TLE4: variants seen among roughly 807,000 people sequenced by gnomAD.
The protein encoded by TLE4 is transducin-like enhancer protein 4.
In TLE4, 8 loss-of-function variants were observed where a neutral mutation model predicts 92.8. The observed-to-expected ratio is 0.09, with a 90% CI of 0.05 to 0.16. TLE4 has a LOEUF of 0.16. Among genes scored for constraint, TLE4 ranks in the 10% least tolerant of loss-of-function variants. The probability of loss-of-function intolerance (pLI) is 1.00; values close to 1 mark genes in which losing one functional copy is unlikely to be tolerated. For synonymous variants in TLE4, 371 were observed against 374.1 expected (o/e 0.99, Z 0.10); for missense variants, 675 against 997.6 (o/e 0.68, Z 4.36).
At chr9:79,684,106 C>T (rs1415608303) in intron 8 of TLE4, among the ~76,000 whole-genome samples, 2 of 152,118 alleles carry the variant, frequency 1.3e-5, no homozygotes. Flanking sequence ...TAATGCATAT[C>T]CTCAATTAAA....
chr9:79,685,892 T>C (rs1484025889), intron 8 of TLE4, among the ~76,000 whole-genome samples: 2 of 152,198 alleles, frequency 1.3e-5, no homozygotes, highest in South Asian at 4.1e-4. Context: ...GATTCACAAA[T>C]TGACTCCCAA....
intron 6 of TLE4, among the ~76,000 whole-genome samples, chr9:79,640,619 G>A (rs964208862): frequency 2.0e-5 from 3 of 152,028 alleles, no homozygotes; most frequent in African/African-American, 7.2e-5. Context: ...GTCTCACTCT[G>A]CCGTCTTCCA....
At chr9:79,632,513 A>C (rs915840788) in intron 6 of TLE4, among the ~76,000 whole-genome samples, 1 of 152,104 alleles carries the variant, frequency 6.6e-6, no homozygotes, top group Admixed American at 6.6e-5. Flanking sequence ...GCCTCAAGCT[A>C]CTTAAGGGGG....
intron 6 of TLE4, among the ~76,000 whole-genome samples, chr9:79,633,887 A>G (rs2055003405): frequency 6.6e-6 from 1 of 152,146 alleles, no homozygotes; most frequent in African/African-American, 2.4e-5. Flanking sequence ...CAAACAGGCA[A>G]CTAAAGGGTT....
chr9:79,600,683 G>T (rs1291666417), intron 4 of TLE4, among the ~76,000 whole-genome samples: 1 of 152,172 alleles, frequency 6.6e-6, no homozygotes, highest in African/African-American at 2.4e-5. Flanking sequence ...ACCTTGTTCA[G>T]AAGGGATTTG....
chr9:79,694,094 G>A (rs2067672960), intron 8 of TLE4, among the ~76,000 whole-genome samples: 1 of 152,192 alleles, frequency 6.6e-6, no homozygotes, highest in African/African-American at 2.4e-5. Flanking sequence ...AGTATTGACA[G>A]AGGTATTGCT....
chr9:79,707,079 G>A (rs759267611), intron 11 of TLE4, 180 bp downstream of exon 11: 5 of 1,595,274 alleles, frequency 3.1e-6, no homozygotes, highest in African/African-American at 2.7e-5. Context: ...TTACTAACTT[G>A]TTGGTGATGA....
Position 79,573,785 on chromosome 9 carries a change from A to C in TLE4, c.142A>C (p.Ser48Arg). ...TCAGTTTTTACAGGCTCAATACCACAGGTAACGATATTGACTTTAGCTGAT... is the reference window on the plus strand; with the variant it reads ...TCAGTTTTTACAGGCTCAATACCACCGGTAACGATATTGACTTTAGCTGAT... ...EFQFLQAQYH[S>R]LKLECEKLAS... Residue 48 changes from serine (S) to arginine (R), a missense_variant and splice_region_variant, in exon 2 of 20, where the codon AGT becomes CGT. By Grantham distance (110) the Ser-to-Arg change is moderately radical. This residue lies in a region of TLE4 where 68 missense variants were observed against 141.2 expected (regional missense o/e 0.48). Transcript: ENST00000376552. 2.5e-6 allele frequency: 4 copies of C among 1,584,296 alleles called. No homozygotes were observed. Among genetic ancestry groups the C allele is most frequent in the Non-Finnish European group, 3.5e-6 (4 of 1,157,930 alleles).
At chr9:79,581,024 T>G (rs2039512483) in intron 4 of TLE4, among the ~76,000 whole-genome samples, 1 of 152,122 alleles carries the variant, frequency 6.6e-6, no homozygotes, top group Admixed American at 6.5e-5. Context: ...TTCATTAAGG[T>G]TTAAAGCCAC....
intron 8 of TLE4, among the ~76,000 whole-genome samples, chr9:79,686,377 C>T (rs531494669): frequency 6.6e-6 from 1 of 152,294 alleles, no homozygotes; most frequent in East Asian, 1.9e-4. Context: ...GTTGGTTTCT[C>T]TTCGGGGTTG....
chr9:79,581,156 C>G (rs1023516767), intron 4 of TLE4, among the ~76,000 whole-genome samples: 4 of 152,140 alleles, frequency 2.6e-5, no homozygotes, highest in African/African-American at 9.7e-5. Flanking sequence ...AAATAGGAGG[C>G]CAACTTCATT....
At position 79,574,923 on chromosome 9, in the gene TLE4, G is replaced by A. The variant is rs1278493425; in HGVS notation, c.194G>A (p.Arg65Gln). The change falls in exon 3 of 20, where the codon CGG (arginine) becomes CAG (glutamine). Residue 65 changes from arginine (R) to glutamine (Q), a missense_variant. Arg to Gln is a conservative substitution (Grantham distance 43). This residue lies in a region of TLE4 where 68 missense variants were observed against 141.2 expected (regional missense o/e 0.48). Coordinates refer to ENST00000376552, the MANE Select transcript of TLE4 (RefSeq NM_007005.6). ...KLASEKTEMQ[R>Q]HYVMYYEMSY... ...GCCAGTGAGAAGACAGAGATGCAGC[G>A]GCATTATGTCATGGTAAGAAAACCA... 6.2e-7 allele frequency: 1 copy of A among 1,613,342 alleles called. No individual in the cohort carries two copies. Among genetic ancestry groups the A allele is most frequent in the Admixed American group, 1.7e-5 (1 of 60,018 alleles).
chr9:79,643,132 C>G (rs970098481), intron 6 of TLE4, among the ~76,000 whole-genome samples: 1 of 152,182 alleles, frequency 6.6e-6, no homozygotes, highest in Non-Finnish European at 1.5e-5. Flanking sequence ...GCCTCTACAA[C>G]TACAGAGAAA....
At chr9:79,598,584 C>T (rs1311239015) in intron 4 of TLE4, among the ~76,000 whole-genome samples, 1 of 152,180 alleles carries the variant, frequency 6.6e-6, no homozygotes, top group Non-Finnish European at 1.5e-5. Context: ...CAATGTCTGT[C>T]TCATTTGCTA....
intron 10 of TLE4, among the ~76,000 whole-genome samples, chr9:79,706,211 A>G (rs958974675): frequency 1.3e-5 from 2 of 152,004 alleles, no homozygotes; most frequent in Non-Finnish European, 2.9e-5. Context: ...CGCTTGGCTC[A>G]TATTTAAATT....
chr9:79,708,859 T>G (rs2072455363), intron 13 of TLE4, 73 bp downstream of exon 13: 2 of 1,471,830 alleles, frequency 1.4e-6, no homozygotes, highest in Admixed American at 4.1e-5. Context: ...TGCGACAGGG[T>G]CTCGCTCTGT....
chr9:79,722,902 C>G, intron 18 of TLE4, 57 bp from the exon 19 acceptor site: 1 of 1,514,534 alleles, frequency 6.6e-7, no homozygotes, highest in Non-Finnish European at 9.1e-7. Flanking sequence ...TAAAGCAAAT[C>G]TTGGTGTCTG....
Position 79,611,123 on chromosome 9 carries a change from A to G in TLE4, c.253-1533A>G, listed in dbSNP as rs144239491. 3.5e-3 allele frequency among the ~76,000 whole-genome samples: 528 copies of G among 152,066 alleles called. 5 individuals are homozygous for G. Among genetic ancestry groups the G allele is most frequent in the African/African-American group, 0.012 (483 of 41,494 alleles). ...GCCTGGTGAATGCTACTCTATTTTT[A>G]TTGCTCACCCTGGAATTTCACCCCA... On this transcript the variant is annotated intron_variant, in intron 4 of 19. Coordinates refer to ENST00000376552, the MANE Select transcript of TLE4 (RefSeq NM_007005.6).
At chr9:79,707,202 G>A (rs1329600474) in intron 11 of TLE4, 3 of 1,612,616 alleles carry the variant, frequency 1.9e-6, no homozygotes, top group Admixed American at 3.3e-5. Context: ...AGATGGTTTT[G>A]TCGCCTGTGG....
Sources: gnomAD v4.1 joint callset for allele counts (sites outside exome capture counted in the v4.1 genomes callset) on GRCh38, gnomAD v4.1.1 for gene constraint, gnomAD v4.1.1 regional missense constraint, MANE v1.5 for transcripts, NCBI Gene and HGNC (gene_info 2026-07-23, HGNC 2026-07-21) for gene names.